ADPRHL1: variants seen among roughly 807,000 people sequenced by gnomAD.
The protein encoded by ADPRHL1 is ADP-ribosylhydrolase like 1.
In ADPRHL1, 43 loss-of-function variants were observed where a neutral mutation model predicts 44.1. The ratio of observed to expected loss-of-function variants is 0.98; its 90% CI spans 0.76 to 1.26. The LOEUF is 1.26. Ranked by LOEUF, ADPRHL1 falls within the 50% of genes most tolerant of loss-of-function variation. The pLI, the probability that ADPRHL1 is intolerant of heterozygous loss-of-function variation, is 0.00. For missense variants in ADPRHL1, 2,022 were observed against 2,496.9 expected (o/e 0.81, Z 4.05); for synonymous variants, 878 against 1,017.4 (o/e 0.86, Z 2.61).
At chr13:113,448,465 C>CAAAAAAAAAA (rs61278696) in intron 1 of ADPRHL1, among the ~76,000 whole-genome samples, 6 of 39,844 alleles carry the variant, frequency 1.5e-4, no homozygotes, top group African/African-American at 5.3e-4. Flanking sequence ...GACTATGTCC[C>CAAAAAAAAAA]AAAAAAAAAA....
chr13:113,419,635 C>T (rs75578545), intron 7 of ADPRHL1, among the ~76,000 whole-genome samples: 10,165 of 152,150 alleles, frequency 0.067, 613 homozygotes, highest in African/African-American at 0.16. Context: ...CAGGTGTTTG[C>T]AAATGCCACT....
At chr13:113,436,303 G>A (rs1372744205) in intron 2 of ADPRHL1, among the ~76,000 whole-genome samples, 1 of 146,890 alleles carries the variant, frequency 6.8e-6, no homozygotes, top group Non-Finnish European at 1.5e-5. Context: ...GAACGTAGGT[G>A]TACCCTGTGA....
At chr13:113,438,350 C>T (rs1487729399) in intron 2 of ADPRHL1, among the ~76,000 whole-genome samples, 1 of 152,082 alleles carries the variant, frequency 6.6e-6, no homozygotes, top group African/African-American at 2.4e-5. Context: ...TGCTTATTGT[C>T]CACCCATATA....
At position 113,403,904 on chromosome 13, in the gene ADPRHL1, T is replaced by C; in HGVS notation, c.5378A>G (p.Gln1793Arg). 1 of 1,243,088 alleles carries C rather than the reference T, an allele frequency of 8.0e-7. No homozygotes were observed. Among genetic ancestry groups the C allele is most frequent in the Non-Finnish European group, 1.0e-6 (1 of 989,074 alleles). The allele number at this position is 1,243,088 out of a possible 1,614,324, so 77.0% of individuals were successfully genotyped here. Residue 1793 changes from glutamine to arginine, a missense_variant, in exon 8 of 8, where the codon CAG (glutamine) becomes CGG (arginine). Around this residue, in one of 8 missense-constraint regions of ADPRHL1, gnomAD observed 205 missense variants for 250.1 expected, o/e 0.82. Transcript: ENST00000612156. ...QTQIETQRQT[Q>R]KGAQERAWEQ... ...CCAAGCCCGTTCCTGAGCCCCTTTC[T>C]GGGTCTGCCTCTGAGTCTCTATCTG...
In ADPRHL1 at chr13:113,405,419, G is replaced by A. The variant is rs912795341; in HGVS notation, c.3863C>T (p.Pro1288Leu). 11 of 1,231,812 alleles carry A rather than the reference G, an allele frequency of 8.9e-6. No homozygotes were observed. In the African/African-American group the frequency reaches 9.3e-5, roughly 10 times the overall value. 76.3% of individuals were successfully genotyped at this position (1,231,812 alleles called of 1,614,324 possible). The change falls in exon 8 of 8, where the codon CCG becomes CTG. Residue 1288 changes from proline to leucine, a missense_variant. Coordinates refer to ENST00000612156, the MANE Select transcript of ADPRHL1 (RefSeq NM_001394807.1). ...TGCCTGTGGGTTCTCAGGAGGCGAC[G>A]GCGGGAGGCCAGGGCCATAGCTGGG... ...ESPSYGPGLP[P>L]SPPENPQAKG...
intron 7 of ADPRHL1, among the ~76,000 whole-genome samples, chr13:113,414,331 C>CAG (rs2139606122): frequency 6.6e-6 from 1 of 152,348 alleles, no homozygotes; most frequent in Admixed American, 6.5e-5. Context: ...CCATCAACAC[C>CAG]AGAGGCCTGC....
chr13:113,407,205 C>A lies in ADPRHL1; in HGVS notation c.2077G>T (p.Val693Leu), dbSNP rs1197241379. The stretch of plus-strand genomic sequence containing the variant: ...GCGTGGCCGTCCCTCTGAGCCATCA[C>A]CTGGGGTGTCACGGGCTTCGAGGGC... ...PRPSKPVTPQ[V>L]MAQRDGHAVP... Residue 693 changes from valine to leucine, a missense_variant, in exon 8 of 8, where the codon GTG becomes TTG. Physicochemically the swap from Val to Leu is conservative, Grantham distance 32. Transcript: ENST00000612156. The A allele has an allele frequency of 2.4e-6, 3 of 1,232,150 alleles. No individual in the cohort carries two copies. The highest frequency in any genetic ancestry group is 3.2e-5 in the East Asian group (1 of 31,724). 76.3% of individuals were successfully genotyped at this position (1,232,150 alleles called of 1,614,324 possible). A position where few individuals can be genotyped will look rare whatever the true frequency, so the allele number is the denominator to read the frequency against.
Position 113,424,251 on chromosome 13 carries a change from C to T in ADPRHL1, c.873G>A (p.Trp291Ter). Residue 291 changes from tryptophan to a stop codon, truncating the protein, a stop_gained, in exon 6 of 8, where the codon TGG (tryptophan) becomes TGA (stop). Transcript: ENST00000612156. LOFTEE classifies it high-confidence loss of function. The stretch of plus-strand genomic sequence containing the variant: ...ACATGGCCCGGTGACACAGCTCAGT[C>T]CAGCTGTTTCCTGCTGCAAGGAGGG... ...YDALLAAGNS[W>*]TELCHRAMFH... 1.2e-6 allele frequency: 2 copies of T among 1,612,910 alleles called. No homozygotes were observed. The highest frequency in any genetic ancestry group is 1.7e-6 in the Non-Finnish European group (2 of 1,179,892).
At position 113,424,284 on chromosome 13, in the gene ADPRHL1, G is replaced by A; in HGVS notation, c.840C>T (p.Ala280=). ...TTCCTGCTGCAAGGAGGGCGTCATA[G>A]GCTATCATGGGGGCATCGTGGCCTC... ...GRRGHDAPMI[A]YDALLAAGNS... is the part of the protein sequence containing the mutation. The change falls in exon 6 of 8, where the codon GCC becomes GCT. Residue 280 remains alanine, a synonymous_variant. Transcript: ENST00000612156. The A allele has an allele frequency of 6.8e-6, 11 of 1,612,960 alleles. No individual in the cohort carries two copies. Among genetic ancestry groups the A allele is most frequent in the African/African-American group, 1.3e-5 (1 of 75,036 alleles).
Position 113,405,797 on chromosome 13 carries a change from C to T in ADPRHL1, c.3485G>A (p.Gly1162Glu). The T allele has an allele frequency of 8.1e-7, 1 of 1,231,862 alleles. No individual in the cohort carries two copies. Among genetic ancestry groups the T allele is most frequent in the Admixed American group, 4.2e-5 (1 of 23,734 alleles). The allele number at this position is 1,231,862 out of a possible 1,614,324, so 76.3% of individuals were successfully genotyped here. Residue 1162 changes from glycine to glutamate, a missense_variant, in exon 8 of 8, where the codon GGA becomes GAA. Gly to Glu is a moderately conservative substitution (Grantham distance 98). This residue lies in a region of ADPRHL1 where 1,221 missense variants were observed against 1,517.8 expected (regional missense o/e 0.80). Coordinates refer to ENST00000612156, the MANE Select transcript of ADPRHL1 (RefSeq NM_001394807.1). Reference sequence around the variant, plus strand: ...GTGAGGGTCTCGAGGGAGAGCCTCTCCTCTGGGGTGGCTTTCGGACAAGGC... The same window carrying T: ...GTGAGGGTCTCGAGGGAGAGCCTCTTCTCTGGGGTGGCTTTCGGACAAGGC... ...SRALSESHPR[G>E]EALPRDPHSH...
chr13:113,434,123 G>A (rs149911125), intron 2 of ADPRHL1, among the ~76,000 whole-genome samples: 225 of 152,314 alleles, frequency 1.5e-3, no homozygotes, highest in African/African-American at 5.0e-3. Context: ...AGATATGCTC[G>A]TGATTTGCAG....
chr13:113,448,820 G>T (rs1478748730), intron 1 of ADPRHL1, among the ~76,000 whole-genome samples: 1 of 152,244 alleles, frequency 6.6e-6, no homozygotes, highest in Non-Finnish European at 1.5e-5. Flanking sequence ...CACTTTGCTG[G>T]TTGCTCCGTT....
rs571336013 is a variant in ADPRHL1 at position 113,400,302 on chromosome 13, C to A, written c.*3076G>T. ...CTGGGACTACAGGCACCCACCACCACGCCCGGCTAATTTTTGTATTTTTAG... is the reference window on the plus strand; with the variant it reads ...CTGGGACTACAGGCACCCACCACCAAGCCCGGCTAATTTTTGTATTTTTAG... On this transcript the variant is annotated 3_prime_UTR_variant, in exon 8 of 8. Transcript: ENST00000612156. 7.9e-5 allele frequency: 12 copies of A among 151,188 alleles called. No homozygotes were observed. The highest frequency in any genetic ancestry group is 1.5e-4 in the Non-Finnish European group (10 of 67,668). The allele number at this position is 151,188 out of a possible 1,614,324, so 9.4% of individuals were successfully genotyped here.
At chr13:113,411,464 C>T (rs1238523502) in intron 7 of ADPRHL1, among the ~76,000 whole-genome samples, 1 of 152,198 alleles carries the variant, frequency 6.6e-6, no homozygotes, top group Non-Finnish European at 1.5e-5. Context: ...TCTTCCACCG[C>T]ACATCTAAGT....
At chr13:113,430,822 C>T (rs1361055316) in intron 3 of ADPRHL1, among the ~76,000 whole-genome samples, 4 of 151,970 alleles carry the variant, frequency 2.6e-5, no homozygotes, top group East Asian at 3.9e-4. Flanking sequence ...GTGGTGCTGC[C>T]GATGGGAGCA....
chr13:113,420,910 A>G (rs1292983856), intron 7 of ADPRHL1, among the ~76,000 whole-genome samples: 2 of 42,426 alleles, frequency 4.7e-5, no homozygotes, highest in Non-Finnish European at 9.3e-5. Context: ...CCGGGACACC[A>G]CTACCCCTGG....
At chr13:113,443,706 A>T (rs1055211224) in intron 2 of ADPRHL1, among the ~76,000 whole-genome samples, 1 of 152,096 alleles carries the variant, frequency 6.6e-6, no homozygotes, top group African/African-American at 2.4e-5. Context: ...CCACTTTGGG[A>T]GGCCAAGGCA....
chr13:113,403,670 C>A lies in ADPRHL1; in HGVS notation c.5612G>T (p.Gly1871Val). 1.6e-6 allele frequency: 2 copies of A among 1,231,996 alleles called. No homozygotes were observed. The highest frequency in any genetic ancestry group is 1.0e-6 in the Non-Finnish European group (1 of 988,248). 76.3% of individuals were successfully genotyped at this position (1,231,996 alleles called of 1,614,324 possible). Residue 1871 changes from glycine to valine, a missense_variant, in exon 8 of 8, where the codon GGC becomes GTC. Gly to Val is a moderately radical substitution (Grantham distance 109, BLOSUM62 -3). Transcript: ENST00000612156. ...CAGGGGAGAGGTGGCAATGCTCTTG[C>A]CCCTGAGGGGGCGGCTTCCTGGGGG... The part of the protein sequence containing the change: ...YPPPGSRPLR[G>V]KSIATSPLGL...
In ADPRHL1 at chr13:113,433,724, C is replaced by G. The variant is rs752492541; in HGVS notation, c.505+18G>C. 4 of 1,573,226 alleles carry G rather than the reference C, an allele frequency of 2.5e-6. No homozygotes were observed. In the East Asian group the frequency reaches 9.3e-5, roughly 37 times the overall value. ...GCACTCCACGCTGACCTCCCTCCCA[C>G]CCCCCGCCCACACTTACCTGTGGGA... On this transcript the variant is annotated intron_variant, in intron 3 of 7. Coordinates refer to ENST00000612156, the MANE Select transcript of ADPRHL1 (RefSeq NM_001394807.1).
Sources: gnomAD v4.1 joint callset for allele counts (sites outside exome capture counted in the v4.1 genomes callset) on GRCh38, gnomAD v4.1.1 for gene constraint, gnomAD v4.1.1 regional missense constraint, MANE v1.5 for transcripts, NCBI Gene and HGNC (gene_info 2026-07-23, HGNC 2026-07-21) for gene names.